Variants in FIGNL2 observed in about 807,000 individuals in gnomAD.
FIGNL2 encodes fidgetin like 2.
For synonymous variants in FIGNL2, 565 were observed against 484.0 expected (o/e 1.17, Z -2.20); for missense variants, 1,060 against 950.2 (o/e 1.12, Z -1.52).
At chr12:51,833,359 C>T (rs974624389) in intron 1 of FIGNL2, among the ~76,000 whole-genome samples, 2 of 152,150 alleles carry the variant, frequency 1.3e-5, no homozygotes, top group East Asian at 3.9e-4. Context: ...GGCCTCACTT[C>T]CATCTCACCT....
Position 51,822,340 on chromosome 12 carries a change from G to A in FIGNL2, c.74C>T (p.Thr25Ile), listed in dbSNP as rs763367079. ...CTCCAACTTGTGGGCCGGCGACGGG[G>A]TGGTGGAGGAGACGTCCAGGTGCTG... Reference protein sequence around the residue: ...PEQHLDVSSTTPSPAHKLELP... With the variant: ...PEQHLDVSSTIPSPAHKLELP... Residue 25 changes from threonine to isoleucine, a missense_variant, in exon 2 of 2, where the codon ACC becomes ATC. By Grantham distance (89) the Thr-to-Ile change is moderately conservative. Coordinates refer to ENST00000618634, the MANE Select transcript of FIGNL2 (RefSeq NM_001384995.1). The A allele has an allele frequency of 6.2e-7, 1 of 1,613,618 alleles. No individual in the cohort carries two copies. The highest frequency in any genetic ancestry group is 1.1e-5 in the South Asian group (1 of 90,954).
At chr12:51,845,336 C>A (rs1939729836) in intron 1 of FIGNL2, 7 of 372,440 alleles carry the variant, frequency 1.9e-5, no homozygotes, top group South Asian at 2.2e-4. Flanking sequence ...CACCACAGAG[C>A]CTGGCAGGGT....
At position 51,820,724 on chromosome 12, in the gene FIGNL2, C is replaced by A. The variant is rs966526953; in HGVS notation, c.1690G>T (p.Gly564Trp). The change falls in exon 2 of 2, where the codon GGG (glycine) becomes TGG (tryptophan). Residue 564 changes from glycine (G) to tryptophan (W), a missense_variant. By Grantham distance (184) the Gly-to-Trp change is radical. Transcript: ENST00000618634. ...GCCAGCGCCCGCTGCAGGATCTGCCCGCGGGCCGGGCTGTCGGGCAGCGCC... is the reference window on the plus strand; with the variant it reads ...GCCAGCGCCCGCTGCAGGATCTGCCAGCGGGCCGGGCTGTCGGGCAGCGCC... ...YVALPDSPAR[G>W]QILQRALAQQ... 56 of 1,480,588 alleles carry A rather than the reference C, an allele frequency of 3.8e-5. No homozygotes were observed. Among genetic ancestry groups the A allele is most frequent in the Admixed American group, 1.2e-4 (5 of 42,148 alleles). 91.7% of individuals were successfully genotyped at this position (1,480,588 alleles called of 1,614,324 possible).
At chr12:51,844,601 A>G in intron 1 of FIGNL2, 1 of 748,190 alleles carries the variant, frequency 1.3e-6, no homozygotes, top group Non-Finnish European at 1.6e-6. Flanking sequence ...TCTTCACTCT[A>G]TTTTCTCACC....
chr12:51,832,484 A>G (rs748640511), intron 1 of FIGNL2, among the ~76,000 whole-genome samples: 6 of 151,730 alleles, frequency 4.0e-5, no homozygotes, highest in Non-Finnish European at 8.8e-5. Flanking sequence ...TCATAACCAC[A>G]CAGCTGAATC....
At chr12:51,846,862 C>G (rs1050207122) in intron 1 of FIGNL2, among the ~76,000 whole-genome samples, 3 of 152,188 alleles carry the variant, frequency 2.0e-5, no homozygotes, top group Admixed American at 6.5e-5. Context: ...AGCGAGGACA[C>G]GAGGGTCGCT....
At position 51,829,199 on chromosome 12, in the gene FIGNL2, G is replaced by A. The variant is rs535075158; in HGVS notation, c.-11-6775C>T. ...GGCTGGAAGGGAGAATCCCATTGTCGGCCTCCCTTATGGAAATCTCATTTA... is the reference window on the plus strand; with the variant it reads ...GGCTGGAAGGGAGAATCCCATTGTCAGCCTCCCTTATGGAAATCTCATTTA... On this transcript the variant is annotated intron_variant, in intron 1 of 1. Coordinates refer to ENST00000618634, the MANE Select transcript of FIGNL2 (RefSeq NM_001384995.1). Among the ~76,000 whole-genome samples the A allele has an allele frequency of 1.6e-4, 25 of 152,320 alleles. No homozygotes were observed. In the East Asian group the frequency reaches 1.7e-3, roughly 11 times the overall value.
intron 1 of FIGNL2, among the ~76,000 whole-genome samples, chr12:51,829,913 A>C (rs952010133): frequency 2.0e-5 from 3 of 152,144 alleles, no homozygotes; most frequent in African/African-American, 7.2e-5. Flanking sequence ...CAAAAGACAA[A>C]ATTTCAGGAG....
chr12:51,821,687 C>T lies in FIGNL2; in HGVS notation c.727G>A (p.Ala243Thr). 4.6e-6 allele frequency: 6 copies of T among 1,296,522 alleles called. No individual in the cohort carries two copies. The highest frequency in any genetic ancestry group is 1.8e-5 in the South Asian group (1 of 56,964). 80.3% of individuals were successfully genotyped at this position (1,296,522 alleles called of 1,614,324 possible). A position where few individuals can be genotyped will look rare whatever the true frequency, so the allele number is the denominator to read the frequency against. ...PGLPAPTPLP[A>T]PAPPTAYGFP... ...CCATAGGCGGTGGGCGGTGCCGGCGCGGGCAGGGGCGTGGGCGCGGGCAGG... is the reference window on the plus strand; with the variant it reads ...CCATAGGCGGTGGGCGGTGCCGGCGTGGGCAGGGGCGTGGGCGCGGGCAGG... Residue 243 changes from alanine to threonine, a missense_variant, in exon 2 of 2, where the codon GCG (alanine) becomes ACG (threonine). Ala to Thr is a moderately conservative substitution (Grantham distance 58, BLOSUM62 0). Transcript: ENST00000618634.
At position 51,822,339 on chromosome 12, in the gene FIGNL2, G is replaced by C. The variant is rs1283555393; in HGVS notation, c.75C>G (p.Thr25=). 6.2e-7 allele frequency: 1 copy of C among 1,613,584 alleles called. No homozygotes were observed. The highest frequency in any genetic ancestry group is 1.1e-5 in the South Asian group (1 of 90,950). ...PEQHLDVSST[T]PSPAHKLELP... is the part of the protein sequence containing the mutation. ...ACTCCAACTTGTGGGCCGGCGACGG[G>C]GTGGTGGAGGAGACGTCCAGGTGCT... Residue 25 remains threonine, a synonymous_variant, in exon 2 of 2, where the codon ACC becomes ACG. Transcript: ENST00000618634.
chr12:51,829,686 C>A (rs1939414206), intron 1 of FIGNL2, among the ~76,000 whole-genome samples: 1 of 151,928 alleles, frequency 6.6e-6, no homozygotes, highest in Non-Finnish European at 1.5e-5. Context: ...CAAACCAGAC[C>A]ACATTGGGAC....
At chr12:51,824,869 C>T (rs1313037687) in intron 1 of FIGNL2, among the ~76,000 whole-genome samples, 1 of 152,146 alleles carries the variant, frequency 6.6e-6, no homozygotes, top group East Asian at 1.9e-4. Context: ...CATGGTGAAA[C>T]ACCGTCTGTA....
In FIGNL2 at chr12:51,821,646, C is replaced by A; in HGVS notation, c.768G>T (p.Ala256=). The change falls in exon 2 of 2, where the codon GCG becomes GCT. Residue 256 remains alanine (A), a synonymous_variant. Transcript: ENST00000618634. ...GCGACAGCCCGGATTCGGCACCCGG[C>A]GCGGCCGTGGGGAAGCCATAGGCGG... The part of the protein sequence containing the change: ...PPTAYGFPTA[A]PGAESGLSLK... 6.8e-7 allele frequency: 1 copy of A among 1,473,652 alleles called. No individual in the cohort carries two copies. 91.3% of individuals were successfully genotyped at this position (1,473,652 alleles called of 1,614,324 possible).
In FIGNL2 at chr12:51,820,367, GC is replaced by G; in HGVS notation, c.*84del. Reference sequence around the variant, plus strand: ...ACATTCACCACTCCAGCCCCTGCCAGCCGGGTTTAGTCAGTGACATCCCTCC... The same window carrying G: ...ACATTCACCACTCCAGCCCCTGCCAGCGGGTTTAGTCAGTGACATCCCTCC... On this transcript the variant is annotated 3_prime_UTR_variant, in exon 2 of 2. Transcript: ENST00000618634. The G allele has an allele frequency of 6.6e-7, 1 of 1,507,700 alleles. No homozygotes were observed. Among genetic ancestry groups the G allele is most frequent in the Admixed American group, 2.1e-5 (1 of 47,432 alleles). The allele number at this position is 1,507,700 out of a possible 1,614,324, so 93.4% of individuals were successfully genotyped here.
intron 1 of FIGNL2, 144 bp from the exon 2 acceptor site, chr12:51,822,568 G>A: frequency 3.5e-6 from 3 of 851,864 alleles, no homozygotes; most frequent in Non-Finnish European, 5.6e-6. Context: ...CACTCTCTTG[G>A]GGCCCTCCCT....
At chr12:51,833,392 C>T (rs570750292) in intron 1 of FIGNL2, among the ~76,000 whole-genome samples, 1 of 152,270 alleles carries the variant, frequency 6.6e-6, no homozygotes, top group African/African-American at 2.4e-5. Context: ...ATCGTCCTCT[C>T]TTTTCTTAAC....
chr12:51,830,305 A>G (rs1032582904), intron 1 of FIGNL2, among the ~76,000 whole-genome samples: 1 of 151,930 alleles, frequency 6.6e-6, no homozygotes, highest in Non-Finnish European at 1.5e-5. Context: ...AAAAAGAAGA[A>G]GAAGAAAATT....
Position 51,821,495 on chromosome 12 carries a change from T to A in FIGNL2, c.919A>T (p.Asn307Tyr). ...CCTGGCGGCTTGGCCCGGAACCCGT[T>A]GCCCCGACATTCGCCGTTGTCCGCG... The part of the protein sequence containing the change: ...PAADNGECRG[N>Y]GFRAKPPGAA... The change falls in exon 2 of 2, where the codon AAC becomes TAC. Residue 307 changes from asparagine (N) to tyrosine (Y), a missense_variant. Asn to Tyr is a moderately radical substitution (Grantham distance 143). Transcript: ENST00000618634. The A allele has an allele frequency of 1.3e-6, 2 of 1,557,058 alleles. No individual in the cohort carries two copies. The highest frequency in any genetic ancestry group is 1.7e-6 in the Non-Finnish European group (2 of 1,159,212).
rs183707071 is a variant in FIGNL2 at position 51,828,722 on chromosome 12, C to A, written c.-11-6298G>T. ...CTGATGCAGGCAGTAGGTATCCCCC[C>A]AGGCCACCCTGGCTTCCTGGGGCAG... On this transcript the variant is annotated intron_variant, in intron 1 of 1. Transcript: ENST00000618634. Among the ~76,000 whole-genome samples, 5 of 152,302 alleles carry A rather than the reference C, an allele frequency of 3.3e-5. No homozygotes were observed. The East Asian group carries it at 7.7e-4, about 23-fold the overall frequency.
Sources: allele counts gnomAD v4.1 joint callset (sites outside exome capture counted in the v4.1 genomes callset), GRCh38; gene constraint gnomAD v4.1.1; transcripts MANE v1.5; gene names NCBI Gene and HGNC (gene_info 2026-07-23, HGNC 2026-07-21).